The following CD99L2 variants were observed in gnomAD, a reference collection of about 807,000 sequenced individuals.
CD99L2 encodes CD99 molecule like 2.
Under a neutral mutation model 27.3 loss-of-function variants are expected in CD99L2, and 24 were observed. The ratio of observed to expected loss-of-function variants is 0.88; its 90% CI spans 0.64 to 1.24. CD99L2 has a LOEUF of 1.24. CD99L2 is among the 50% of genes most tolerant of loss of function. CD99L2 has a pLI of 0.00. For synonymous variants in CD99L2, 97 were observed against 87.9 expected, an observed-to-expected ratio of 1.10 and a Z score of -0.58; for missense variants, 255 against 221.6, an observed-to-expected ratio of 1.15 and a Z score of -0.96.
rs192067814 is a variant in CD99L2 at position 150,808,859 on chromosome X, C to T, written c.277+6003G>A. ...TAAAGAAGGAAGCAGCCGCGAGTTC[C>T]GTGATTATCCTGAATTATCTGGGTG... On this transcript the variant is annotated intron_variant, in intron 4 of 10. Transcript: ENST00000370377. 2.3e-3 allele frequency among the ~76,000 whole-genome samples: 254 copies of T among 110,783 alleles called. 1 individual carries two copies. Among genetic ancestry groups the T allele is most frequent in the Middle Eastern group, 9.2e-3 (2 of 217 alleles).
intron 1 of CD99L2, among the ~76,000 whole-genome samples, chrX:150,880,275 G>C (rs1557422459): frequency 8.9e-6 from 1 of 112,351 alleles, no homozygotes; most frequent in African/African-American, 3.2e-5. Context: ...ATTCATAGCA[G>C]CTGCAAAGCA....
At chrX:150,898,418 G>T (rs1557423143) in intron 1 of CD99L2, 104 bp downstream of exon 1, 14 of 631,967 alleles carry the variant, frequency 2.2e-5, no homozygotes, top group Non-Finnish European at 2.1e-6. Context: ...GGCAGCCACC[G>T]CAGGCCCGAG....
chrX:150,789,641 T>C (rs2045655595), intron 7 of CD99L2, among the ~76,000 whole-genome samples: 1 of 111,621 alleles, frequency 9.0e-6, no homozygotes, highest in Non-Finnish European at 1.9e-5. Flanking sequence ...TCCCAGCATA[T>C]TGGGAGGCCA....
rs56795332 is a variant in CD99L2, at chrX:150,890,151, AAAAT to A, written c.67+8367_67+8370del. On this transcript the variant is annotated intron_variant, in intron 1 of 10. Transcript: ENST00000370377. ...CTGGGCGAGAGCGAGACTCCGTCTC[AAAAT>A]AAATAAATAAATAAATAAATAAATA... Among the ~76,000 whole-genome samples the A allele has an allele frequency of 2.9e-4, 29 of 98,879 alleles. No individual in the cohort carries two copies. The South Asian group carries it at 3.8e-3, about 13-fold the overall frequency. 85.9% of individuals were successfully genotyped at this position (98,879 alleles called of 115,157 possible). A position where few individuals can be genotyped will look rare whatever the true frequency, so the allele number is the denominator to read the frequency against.
intron 7 of CD99L2, among the ~76,000 whole-genome samples, chrX:150,778,304 C>G (rs911000742): frequency 3.6e-5 from 4 of 110,446 alleles, no homozygotes; most frequent in Non-Finnish European, 7.6e-5. Flanking sequence ...GGGCCGAACA[C>G]TCATTAATGG....
intron 2 of CD99L2, among the ~76,000 whole-genome samples, chrX:150,822,427 G>A (rs1424442366): frequency 8.9e-6 from 1 of 111,944 alleles, no homozygotes; most frequent in African/African-American, 3.2e-5. Context: ...TGATGGAAAT[G>A]TTTTGGAACT....
chrX:150,770,964 G>T (rs1185266204), intron 9 of CD99L2, among the ~76,000 whole-genome samples: 1 of 112,744 alleles, frequency 8.9e-6, no homozygotes, highest in South Asian at 3.6e-4. Flanking sequence ...AGTCTAGTTA[G>T]TTATCTAGGC....
At chrX:150,815,045 T>C (rs1218144641) in intron 3 of CD99L2, 109 bp from the exon 4 acceptor site, 1 of 732,173 alleles carries the variant, frequency 1.4e-6, no homozygotes, top group East Asian at 3.2e-5. Flanking sequence ...ATACCAACAA[T>C]GGGTTAAGAC....
At chrX:150,807,431 TAGA>T (rs2046011450) in intron 4 of CD99L2, among the ~76,000 whole-genome samples, 1 of 111,561 alleles carries the variant, frequency 9.0e-6, no homozygotes, top group African/African-American at 3.3e-5. Flanking sequence ...CAACATGTTG[TAGA>T]AGAAAAGGCC....
At chrX:150,769,533 G>A (rs1343257663) in intron 10 of CD99L2, among the ~76,000 whole-genome samples, 5 of 112,362 alleles carry the variant, frequency 4.4e-5, no homozygotes, top group African/African-American at 1.6e-4. Flanking sequence ...ACTGCCACCC[G>A]TCTTCAGCAG....
intron 1 of CD99L2, among the ~76,000 whole-genome samples, chrX:150,887,315 G>A (rs376551099): frequency 9.2e-6 from 1 of 108,935 alleles, no homozygotes; most frequent in Non-Finnish European, 1.9e-5. Flanking sequence ...GCATGGTGGC[G>A]CATGCCTGTA....
chrX:150,771,327 C>T (rs782593246), intron 9 of CD99L2, among the ~76,000 whole-genome samples: 15 of 112,888 alleles, frequency 1.3e-4, no homozygotes, highest in Non-Finnish European at 2.8e-4. Context: ...GTGGCAAATG[C>T]GGGCGTTGCT....
intron 4 of CD99L2, among the ~76,000 whole-genome samples, chrX:150,808,572 C>G (rs955825987): frequency 8.9e-5 from 10 of 111,930 alleles, no homozygotes; most frequent in Non-Finnish European, 1.5e-4. Flanking sequence ...AGGTATACAC[C>G]CTGCATAATC....
At chrX:150,829,360 A>G (rs1557421001) in intron 2 of CD99L2, 1 of 329,827 alleles carries the variant, frequency 3.0e-6, no homozygotes, top group Non-Finnish European at 5.9e-6. Context: ...GAGAAAGGAG[A>G]GAGACACAGA....
intron 6 of CD99L2, among the ~76,000 whole-genome samples, chrX:150,794,036 G>A (rs1557419813): frequency 1.8e-5 from 2 of 111,268 alleles, no homozygotes; most frequent in South Asian, 3.8e-4. Context: ...TTTTGCAGAG[G>A]TGATTAAGGT....
chrX:150,877,959 TACACACACACACACACACACAC>T (rs72172934), intron 1 of CD99L2, among the ~76,000 whole-genome samples: 47 of 83,064 alleles, frequency 5.7e-4, no homozygotes, highest in South Asian at 5.3e-3. Flanking sequence ...CTCAAACACA[TACACACACACACACACACACAC>T]ACACACACAC....
At chrX:150,824,695 GGAAGAGGAAGAGGAAGAAGAAGAAGAA>G (rs2046342132) in intron 2 of CD99L2, among the ~76,000 whole-genome samples, 1 of 74,893 alleles carries the variant, frequency 1.3e-5, no homozygotes, top group Non-Finnish European at 2.6e-5. Context: ...AAGAGGAAGA[GGAAGAGGAAGAGGAAGAAGAAGAAGAA>G]GAAGAAGAAA....
intron 1 of CD99L2, among the ~76,000 whole-genome samples, chrX:150,832,014 G>A (rs1442902211): frequency 8.9e-6 from 1 of 111,736 alleles, no homozygotes; most frequent in Non-Finnish European, 1.9e-5. Context: ...AATCAATAAG[G>A]AAATATTGGA....
chrX:150,778,711 A>T (rs1166118084), intron 7 of CD99L2, among the ~76,000 whole-genome samples: 2 of 102,337 alleles, frequency 2.0e-5, no homozygotes, highest in African/African-American at 7.5e-5. Flanking sequence ...TATATATATA[A>T]ATAAAAGATT....
Sources: gnomAD v4.1 joint callset for allele counts (sites outside exome capture counted in the v4.1 genomes callset) on GRCh38, gnomAD v4.1.1 for gene constraint, MANE v1.5 for transcripts, NCBI Gene and HGNC (gene_info 2026-07-23, HGNC 2026-07-21) for gene names.